ROBO1: variants seen among roughly 807,000 people sequenced by gnomAD.
The protein encoded by ROBO1 is roundabout homolog 1.
In ROBO1, 149 loss-of-function variants were observed where a neutral mutation model predicts 195.9. The observed-to-expected ratio is 0.76, with a 90% CI of 0.67 to 0.87. ROBO1 has a LOEUF of 0.87. Among genes scored for constraint, ROBO1 ranks in the 40% least tolerant of loss-of-function variants. The pLI, the probability that ROBO1 is intolerant of heterozygous loss-of-function variation, is 0.00. For synonymous variants in ROBO1, 816 were observed against 733.2 expected, an observed-to-expected ratio of 1.11 and a Z score of -1.82; for missense variants, 1,933 against 2,068.3, an observed-to-expected ratio of 0.93 and a Z score of 1.27.
chr3:79,695,896 AAGTTT>A (rs1270359219), intron 1 of ROBO1, among the ~76,000 whole-genome samples: 2 of 151,412 alleles, frequency 1.3e-5, no homozygotes, highest in East Asian at 3.9e-4. Context: ...TATCTTTAGA[AAGTTT>A]AGTTTCAGTA....
intron 3 of ROBO1, among the ~76,000 whole-genome samples, chr3:78,975,718 G>GA (rs924614376): frequency 4.6e-5 from 7 of 152,096 alleles, no homozygotes; most frequent in African/African-American, 2.4e-5. Flanking sequence ...TTGAGGTCAA[G>GA]AAAAAACAGT....
At chr3:78,986,918 A>G (rs1456866363) in intron 3 of ROBO1, among the ~76,000 whole-genome samples, 2 of 152,184 alleles carry the variant, frequency 1.3e-5, no homozygotes, top group Admixed American at 1.3e-4. Context: ...TGAGATCACC[A>G]ATGCATTTTA....
At chr3:78,966,383 A>C (rs1384529433) in intron 3 of ROBO1, among the ~76,000 whole-genome samples, 1 of 152,200 alleles carries the variant, frequency 6.6e-6, no homozygotes, top group East Asian at 1.9e-4. Context: ...TGAAAATCTT[A>C]ATTTGTATCT....
intron 3 of ROBO1, among the ~76,000 whole-genome samples, chr3:79,098,286 G>A (rs759528571): frequency 6.6e-6 from 1 of 151,738 alleles, no homozygotes; most frequent in Non-Finnish European, 1.5e-5. Flanking sequence ...GGCTTTACTA[G>A]AGACAGTAAT....
At chr3:79,200,630 G>T (rs937405270) in intron 2 of ROBO1, among the ~76,000 whole-genome samples, 2 of 151,712 alleles carry the variant, frequency 1.3e-5, no homozygotes, top group African/African-American at 4.8e-5. Flanking sequence ...GAGCAAAGAG[G>T]TTTCCAGAAG....
intron 3 of ROBO1, among the ~76,000 whole-genome samples, chr3:78,983,821 G>A (rs1006422036): frequency 9.2e-5 from 14 of 152,242 alleles, no homozygotes; most frequent in South Asian, 2.1e-4. Flanking sequence ...GCTGGAGGGC[G>A]ACTGGAGTGG....
chr3:79,650,497 G>A (rs1945971070), intron 1 of ROBO1, among the ~76,000 whole-genome samples: 1 of 151,168 alleles, frequency 6.6e-6, no homozygotes, highest in Non-Finnish European at 1.5e-5. Flanking sequence ...AAATTTTGAT[G>A]GTAAAATACA....
intron 3 of ROBO1, among the ~76,000 whole-genome samples, chr3:79,105,291 G>A (rs1027195226): frequency 6.6e-6 from 1 of 151,738 alleles, no homozygotes; most frequent in Non-Finnish European, 1.5e-5. Context: ...GTAAGGGCAA[G>A]ATGAACAAAG....
At chr3:79,323,058 T>C (rs2034052987) in intron 2 of ROBO1, among the ~76,000 whole-genome samples, 1 of 151,866 alleles carries the variant, frequency 6.6e-6, no homozygotes, top group Non-Finnish European at 1.5e-5. Flanking sequence ...AATGCTTACA[T>C]GCTTCAAATT....
chr3:78,794,874 A>T (rs1276606020), intron 4 of ROBO1, among the ~76,000 whole-genome samples: 9 of 4,278 alleles, frequency 2.1e-3, no homozygotes, highest in Non-Finnish European at 4.7e-3. Context: ...GAACCACCGT[A>T]CCTAGCCGCA....
chr3:78,867,350 A>G (rs918312660), intron 4 of ROBO1, among the ~76,000 whole-genome samples: 1 of 152,196 alleles, frequency 6.6e-6, no homozygotes, highest in African/African-American at 2.4e-5. Flanking sequence ...AAATGCTAGC[A>G]GTCTAAGAAT....
intron 17 of ROBO1, among the ~76,000 whole-genome samples, chr3:78,658,594 A>C (rs1033685389): frequency 3.3e-5 from 5 of 152,230 alleles, no homozygotes; most frequent in African/African-American, 1.2e-4. Flanking sequence ...CATACTCTAT[A>C]TTCCTTATGA....
At chr3:79,227,421 C>A (rs2108842282) in intron 2 of ROBO1, among the ~76,000 whole-genome samples, 1 of 152,292 alleles carries the variant, frequency 6.6e-6, no homozygotes, top group East Asian at 1.9e-4. Flanking sequence ...GTCTTCCCTA[C>A]TGAGCTTCAG....
chr3:79,717,468 T>C (rs1208412213), intron 1 of ROBO1, among the ~76,000 whole-genome samples: 3 of 152,024 alleles, frequency 2.0e-5, no homozygotes, highest in South Asian at 4.1e-4. Flanking sequence ...ATATATGGCA[T>C]GAAATAAACA....
chr3:79,236,602 T>C (rs1463575731), intron 2 of ROBO1, among the ~76,000 whole-genome samples: 1 of 152,170 alleles, frequency 6.6e-6, no homozygotes, highest in Non-Finnish European at 1.5e-5. Context: ...ATTTTTTAAA[T>C]TTTTCTTTTG....
chr3:78,605,334 A>G (rs1245390357), intron 29 of ROBO1, among the ~76,000 whole-genome samples: 2 of 152,094 alleles, frequency 1.3e-5, no homozygotes, highest in Non-Finnish European at 1.5e-5. Context: ...TCTAAGTATA[A>G]TCATCCTGGA....
intron 3 of ROBO1, among the ~76,000 whole-genome samples, chr3:79,120,318 T>TA (rs2080093641): frequency 6.6e-6 from 1 of 152,032 alleles, no homozygotes; most frequent in African/African-American, 2.4e-5. Flanking sequence ...AAAATTATTA[T>TA]AAAAATATTA....
intron 2 of ROBO1, among the ~76,000 whole-genome samples, chr3:79,301,426 C>T (rs188279027): frequency 6.6e-6 from 1 of 152,200 alleles, no homozygotes; most frequent in African/African-American, 2.4e-5. Flanking sequence ...TATGAAAAGA[C>T]ATATGCTCAT....
intron 2 of ROBO1, among the ~76,000 whole-genome samples, chr3:79,415,182 CAT>C (rs950043521): frequency 6.6e-6 from 1 of 152,156 alleles, no homozygotes; most frequent in Non-Finnish European, 1.5e-5. Context: ...GAGCACCTAA[CAT>C]GTGCATCTTT....
Sources: allele counts gnomAD v4.1 joint callset (sites outside exome capture counted in the v4.1 genomes callset), GRCh38; gene constraint gnomAD v4.1.1; transcripts MANE v1.5; gene names NCBI Gene and HGNC (gene_info 2026-07-23, HGNC 2026-07-21).